The following AGL variants were observed in gnomAD, a reference collection of about 807,000 sequenced individuals.
AGL encodes the protein glycogen debranching enzyme.
Under a neutral mutation model 199.3 loss-of-function variants are expected in AGL, and 128 were observed. The observed-to-expected ratio is 0.64, with a 90% CI of 0.56 to 0.74. The LOEUF is 0.74. AGL is among the 30% of genes least tolerant of loss of function. The pLI is 0.00. For synonymous variants in AGL, 584 were observed against 594.7 expected (o/e 0.98, Z 0.26); for missense variants, 1,809 against 1,820.8 (o/e 0.99, Z 0.12).
chr1:99,856,891 TC>T lies in AGL; in HGVS notation c.83-4607del, dbSNP rs531673145. 3.1e-3 allele frequency among the ~76,000 whole-genome samples: 472 copies of T among 152,252 alleles called. 2 individuals carry two copies. Among genetic ancestry groups the T allele is most frequent in the African/African-American group, 0.011 (460 of 41,554 alleles). The stretch of plus-strand genomic sequence containing the variant: ...GATTTCTCTATCTTTTCCCCACCTC[TC>T]CCCCTTTTCTATTCCACAAAACCGC... On this transcript the variant is annotated intron_variant, in intron 2 of 33. Transcript: ENST00000361915.
At position 99,881,381 on chromosome 1, in the gene AGL, C is replaced by T. The variant is rs759619501; in HGVS notation, c.2091C>T (p.Gly697=). The change falls in exon 16 of 34, where the codon GGC becomes GGT. Residue 697 remains glycine (G), a synonymous_variant. Transcript: ENST00000361915. ...CAGGTGAAGTTAATTTCCAAAGCGGCATTATTGCAGCCAGGTGTGCTATCA... is the reference window on the plus strand; with the variant it reads ...CAGGTGAAGTTAATTTCCAAAGCGGTATTATTGCAGCCAGGTGTGCTATCA... ...SNTGEVNFQS[G]IIAARCAISK... is the part of the protein sequence containing the mutation. The T allele has an allele frequency of 6.2e-7, 1 of 1,614,136 alleles. No individual in the cohort carries two copies. Among genetic ancestry groups the T allele is most frequent in the Admixed American group, 1.7e-5 (1 of 60,006 alleles).
intron 25 of AGL, among the ~76,000 whole-genome samples, chr1:99,899,118 CT>C (rs1351960905): frequency 1.3e-5 from 2 of 152,008 alleles, no homozygotes; most frequent in African/African-American, 4.8e-5. Context: ...GTATTCTGAC[CT>C]TTTCTTAATT....
chr1:99,857,962 G>C lies in AGL; in HGVS notation c.83-3541G>C, dbSNP rs146018336. Among the ~76,000 whole-genome samples the C allele has an allele frequency of 1.4e-3, 216 of 152,288 alleles. 1 individual carries two copies. Among genetic ancestry groups the C allele is most frequent in the African/African-American group, 4.9e-3 (205 of 41,562 alleles). Reference sequence around the variant, plus strand: ...AATATATGAATTATGCTCTCAGTTTGTATGTCAGATAAGTTACAAACAAAA... The same window carrying C: ...AATATATGAATTATGCTCTCAGTTTCTATGTCAGATAAGTTACAAACAAAA... On this transcript the variant is annotated intron_variant, in intron 2 of 33. Coordinates refer to ENST00000361915, the MANE Select transcript of AGL (RefSeq NM_000642.3).
At chr1:99,890,264 ACT>A (rs1652775205) in intron 21 of AGL, among the ~76,000 whole-genome samples, 1 of 152,196 alleles carries the variant, frequency 6.6e-6, no homozygotes, top group African/African-American at 2.4e-5. Flanking sequence ...TTTCTAAAAC[ACT>A]GTTTTCCTTA....
At chr1:99,865,124 A>G (rs1650397607) in intron 5 of AGL, among the ~76,000 whole-genome samples, 1 of 152,152 alleles carries the variant, frequency 6.6e-6, no homozygotes, top group Admixed American at 6.6e-5. Flanking sequence ...CAGTTACTTA[A>G]TAGCCTGCTC....
chr1:99,891,790 T>C, intron 23 of AGL, 51 bp downstream of exon 23: 1 of 1,598,712 alleles, frequency 6.3e-7, no homozygotes, highest in Middle Eastern at 1.7e-4. Context: ...TGAAACTATA[T>C]ACAGAGTCAC....
At chr1:99,901,579 G>A (rs1014569756) in intron 26 of AGL, among the ~76,000 whole-genome samples, 4 of 152,134 alleles carry the variant, frequency 2.6e-5, no homozygotes, top group African/African-American at 9.6e-5. Flanking sequence ...TTATGGAAAG[G>A]GTGAGCCAGG....
intron 7 of AGL, among the ~76,000 whole-genome samples, chr1:99,874,084 G>GA (rs906414642): frequency 6.6e-6 from 1 of 151,794 alleles, no homozygotes; most frequent in Non-Finnish European, 1.5e-5. Flanking sequence ...GATGAAAAGG[G>GA]AAAAAAAGTA....
rs113994134 is a variant in AGL, at chr1:99,916,703, CT to C, written c.4456del (p.Ser1486ProfsTer18). 1.2e-6 allele frequency: 2 copies of C among 1,613,288 alleles called. No individual in the cohort carries two copies. On this transcript the variant is annotated frameshift_variant, in exon 33 of 34. Transcript: ENST00000361915. LOFTEE classifies it high-confidence loss of function. ...GACTATAGTTTTGGTTAAAAATGTT[CT>C]TTCCCGACATTATGTTCATCTTGAG... is the stretch of plus-strand genomic sequence containing the variant. ...AKTIVLVKNV[L>X]SRHYVHLERS... is the part of the protein sequence containing the mutation.
rs998497791 is a variant in AGL at position 99,923,734 on chromosome 1, T to G, written c.*2083T>G. The stretch of plus-strand genomic sequence containing the variant: ...GGTAGAATGCTTCATACTTGAGTGA[T>G]GCTGGATAAGGTATTGTATTTCAAC... On this transcript the variant is annotated 3_prime_UTR_variant, in exon 34 of 34. Transcript: ENST00000361915. 2 of 152,212 alleles carry G rather than the reference T, an allele frequency of 1.3e-5. No homozygotes were observed. The highest frequency in any genetic ancestry group is 2.4e-5 in the African/African-American group (1 of 41,458). 9.4% of individuals were successfully genotyped at this position (152,212 alleles called of 1,614,324 possible). A position where few individuals can be genotyped will look rare whatever the true frequency, so the allele number is the denominator to read the frequency against.
chr1:99,874,607 G>T, intron 7 of AGL, 80 bp from the exon 8 acceptor site: 1 of 1,358,344 alleles, frequency 7.4e-7, no homozygotes. Context: ...AAAATTATAG[G>T]CCAAAAATTA....
intron 7 of AGL, among the ~76,000 whole-genome samples, chr1:99,873,521 G>A (rs1651208972): frequency 6.8e-6 from 1 of 148,142 alleles, no homozygotes; most frequent in Non-Finnish European, 1.5e-5. Context: ...CACAACCTCC[G>A]CTTCCTGGGT....
intron 22 of AGL, 104 bp from the exon 23 acceptor site, chr1:99,891,502 G>C (rs1652899252): frequency 6.6e-7 from 1 of 1,525,100 alleles, no homozygotes; most frequent in South Asian, 1.1e-5. Context: ...ATGGAAATCG[G>C]GTTTATAGAT....
chr1:99,915,309 C>T (rs986465564), intron 30 of AGL, 80 bp from the exon 31 acceptor site: 1 of 1,199,284 alleles, frequency 8.3e-7, no homozygotes, highest in African/African-American at 1.5e-5. Flanking sequence ...TTTTTTCAAG[C>T]TTATGAATAG....
Position 99,884,426 on chromosome 1 carries a change from T to C in AGL, c.2521T>C (p.Ser841Pro), listed in dbSNP as rs755785771. The C allele has an allele frequency of 3.1e-6, 5 of 1,612,800 alleles. No homozygotes were observed. Among genetic ancestry groups the C allele is most frequent in the Admixed American group, 1.7e-5 (1 of 59,922 alleles). Residue 841 changes from serine (S) to proline (P), a missense_variant, in exon 19 of 34, where the codon TCT becomes CCT. By Grantham distance (74) the Ser-to-Pro change is moderately conservative. Coordinates refer to ENST00000361915, the MANE Select transcript of AGL (RefSeq NM_000642.3). ...YIQEIEFENL[S>P]PGSVIIFRVS... The stretch of plus-strand genomic sequence containing the variant: ...TCAAGAAATAGAATTTGAAAACTTG[T>C]CTCCAGGAAGTGTTATTATATTCAG...
chr1:99,905,658 C>A (rs1237934328), intron 27 of AGL, among the ~76,000 whole-genome samples: 10 of 152,194 alleles, frequency 6.6e-5, no homozygotes, highest in Non-Finnish European at 1.5e-4. Flanking sequence ...CACTCAACTT[C>A]TAATTCCTGG....
chr1:99,898,207 C>T (rs1329727626), intron 25 of AGL, among the ~76,000 whole-genome samples: 20 of 152,020 alleles, frequency 1.3e-4, no homozygotes, highest in African/African-American at 2.2e-4. Flanking sequence ...CCACCACACC[C>T]GGCTAATTTT....
chr1:99,864,455 A>G lies in AGL; in HGVS notation c.530A>G (p.Asn177Ser), dbSNP rs1438114467. ...TCTAGGTCATGCTACTCCCTTGCCA[A>G]TCAGTTAGAATTAAATCCTGACTTT... The part of the protein sequence containing the change: ...GLSRSCYSLA[N>S]QLELNPDFSR... Residue 177 changes from asparagine to serine, a missense_variant, in exon 5 of 34, where the codon AAT becomes AGT. Physicochemically the swap from Asn to Ser is conservative, Grantham distance 46. Transcript: ENST00000361915. 1 of 1,613,948 alleles carries G rather than the reference A, an allele frequency of 6.2e-7. No individual in the cohort carries two copies. The highest frequency in any genetic ancestry group is 1.1e-5 in the South Asian group (1 of 91,080).
intron 21 of AGL, among the ~76,000 whole-genome samples, chr1:99,889,645 A>C (rs1351271870): frequency 6.6e-6 from 1 of 152,156 alleles, no homozygotes; most frequent in Non-Finnish European, 1.5e-5. Flanking sequence ...AGATTTGAGT[A>C]ATTATCTACT....
Sources: allele counts gnomAD v4.1 joint callset (sites outside exome capture counted in the v4.1 genomes callset), GRCh38; gene constraint gnomAD v4.1.1; transcripts MANE v1.5; gene names NCBI Gene and HGNC (gene_info 2026-07-23, HGNC 2026-07-21).